Variants in MACROD2 observed in about 807,000 individuals in gnomAD.
MACROD2 encodes the protein ADP-ribose glycohydrolase MACROD2.
In MACROD2, 36 loss-of-function variants were observed where a neutral mutation model predicts 70.4. That is an observed-to-expected ratio of 0.51 (90% CI 0.39 to 0.68). MACROD2 has a LOEUF of 0.68. Ranked by LOEUF, MACROD2 falls within the 30% of genes least tolerant of loss-of-function variation. The pLI is 0.00. For synonymous variants in MACROD2, 172 were observed against 178.8 expected, an observed-to-expected ratio of 0.96 and a Z score of 0.30; for missense variants, 496 against 538.4, an observed-to-expected ratio of 0.92 and a Z score of 0.78.
rs939912345 is a variant in MACROD2 at position 16,052,072 on chromosome 20, A to G, written c.*2196A>G. ...CTAGAAGAATGAAAGTAATCTTTGTATCCAGGAAACTAAGAGAATGAGGAA... is the reference window on the plus strand; with the variant it reads ...CTAGAAGAATGAAAGTAATCTTTGTGTCCAGGAAACTAAGAGAATGAGGAA... On this transcript the variant is annotated 3_prime_UTR_variant, in exon 18 of 18. Transcript: ENST00000684519. 3.3e-5 allele frequency: 5 copies of G among 152,214 alleles called. No homozygotes were observed. The highest frequency in any genetic ancestry group is 1.3e-4 in the Admixed American group (2 of 15,284). 9.4% of individuals were successfully genotyped at this position (152,214 alleles called of 1,614,324 possible).
chr20:14,916,408 G>T (rs1395939564), intron 5 of MACROD2, among the ~76,000 whole-genome samples: 1 of 152,116 alleles, frequency 6.6e-6, no homozygotes, highest in Non-Finnish European at 1.5e-5. Context: ...CAAAAACTTG[G>T]GCGAAAAATC....
chr20:15,561,236 G>C (rs951233708), intron 8 of MACROD2, among the ~76,000 whole-genome samples: 2 of 152,162 alleles, frequency 1.3e-5, no homozygotes, highest in African/African-American at 2.4e-5. Context: ...CTGTCATTAC[G>C]CATTTTATTG....
chr20:15,306,753 A>C (rs1327662261), intron 6 of MACROD2, among the ~76,000 whole-genome samples: 2 of 152,132 alleles, frequency 1.3e-5, no homozygotes, highest in African/African-American at 4.8e-5. Flanking sequence ...GTAAAAGCTC[A>C]TTTCTGTTAC....
chr20:15,920,065 G>A (rs929439842), intron 10 of MACROD2, among the ~76,000 whole-genome samples: 7 of 152,146 alleles, frequency 4.6e-5, no homozygotes, highest in African/African-American at 1.4e-4. Flanking sequence ...AGAAGTGACA[G>A]GTTCATTACT....
intron 3 of MACROD2, among the ~76,000 whole-genome samples, chr20:14,143,195 T>C (rs2054899921): frequency 6.6e-6 from 1 of 152,222 alleles, no homozygotes; most frequent in Non-Finnish European, 1.5e-5. Flanking sequence ...TCAATATATG[T>C]ATTAATCTGT....
intron 8 of MACROD2, among the ~76,000 whole-genome samples, chr20:15,675,539 C>T (rs1361434670): frequency 6.6e-6 from 1 of 152,178 alleles, no homozygotes; most frequent in African/African-American, 2.4e-5. Context: ...ATATCTTTAA[C>T]AGTTTAGCGC....
At chr20:15,046,949 AT>A (rs1288627432) in intron 5 of MACROD2, among the ~76,000 whole-genome samples, 1 of 152,182 alleles carries the variant, frequency 6.6e-6, no homozygotes, top group African/African-American at 2.4e-5. Context: ...CTTGCATCTG[AT>A]TAACAGCTGC....
At chr20:15,350,928 A>T (rs2146223610) in intron 6 of MACROD2, among the ~76,000 whole-genome samples, 1 of 152,280 alleles carries the variant, frequency 6.6e-6, no homozygotes, top group Non-Finnish European at 1.5e-5. Context: ...AATTTATAAT[A>T]ATAGCAAAAC....
chr20:14,014,655 T>C (rs1315516293), intron 2 of MACROD2, among the ~76,000 whole-genome samples: 2 of 152,188 alleles, frequency 1.3e-5, no homozygotes, highest in Non-Finnish European at 2.9e-5. Context: ...CATTTTTTCC[T>C]CCTGCAGATA....
intron 5 of MACROD2, among the ~76,000 whole-genome samples, chr20:14,930,941 G>A (rs2074290413): frequency 6.6e-6 from 1 of 151,038 alleles, no homozygotes. Flanking sequence ...GAGGCAGGAG[G>A]ATCACTTGAG....
At chr20:14,169,576 T>A (rs1383950938) in intron 3 of MACROD2, among the ~76,000 whole-genome samples, 2 of 152,278 alleles carry the variant, frequency 1.3e-5, no homozygotes, top group Middle Eastern at 6.8e-3. Flanking sequence ...AGTGCTGGGA[T>A]TACAGGTGTG....
At chr20:15,762,800 G>C (rs1042630380) in intron 8 of MACROD2, among the ~76,000 whole-genome samples, 8 of 152,126 alleles carry the variant, frequency 5.3e-5, no homozygotes, top group African/African-American at 1.7e-4. Flanking sequence ...ACTACTAAAC[G>C]ATCATTGCTA....
chr20:15,540,995 G>T (rs528659822), intron 8 of MACROD2, among the ~76,000 whole-genome samples: 1 of 152,254 alleles, frequency 6.6e-6, no homozygotes, highest in East Asian at 1.9e-4. Flanking sequence ...GACCCTATTT[G>T]CAAATCAGGT....
At chr20:15,935,396 C>T (rs112431610) in intron 11 of MACROD2, among the ~76,000 whole-genome samples, 17 of 152,200 alleles carry the variant, frequency 1.1e-4, no homozygotes, top group Non-Finnish European at 2.2e-4. Context: ...CACATAGTTA[C>T]GTTCACACTG....
chr20:14,880,162 G>A (rs1297349523), intron 5 of MACROD2, among the ~76,000 whole-genome samples: 1 of 152,158 alleles, frequency 6.6e-6, no homozygotes, highest in African/African-American at 2.4e-5. Context: ...GACAGGATCT[G>A]AGATAGAAGT....
At chr20:14,615,542 G>A (rs1003848791) in intron 4 of MACROD2, among the ~76,000 whole-genome samples, 53 of 152,116 alleles carry the variant, frequency 3.5e-4, no homozygotes, top group African/African-American at 1.2e-3. Flanking sequence ...GAAATGAGGT[G>A]CAAGGTGTTC....
chr20:14,685,872 A>C (rs1252321056), intron 5 of MACROD2, among the ~76,000 whole-genome samples: 2 of 152,208 alleles, frequency 1.3e-5, no homozygotes, highest in Non-Finnish European at 2.9e-5. Flanking sequence ...TTTATAATAC[A>C]ACCTATAGGA....
chr20:14,903,968 G>A (rs987037090), intron 5 of MACROD2, among the ~76,000 whole-genome samples: 2 of 152,138 alleles, frequency 1.3e-5, no homozygotes, highest in Non-Finnish European at 1.5e-5. Context: ...GTAAACTGCA[G>A]GGCAGACTAG....
intron 15 of MACROD2, among the ~76,000 whole-genome samples, chr20:16,038,760 A>G (rs1330637587): frequency 6.6e-6 from 1 of 151,950 alleles, no homozygotes; most frequent in African/African-American, 2.4e-5. Flanking sequence ...CTGAAATGCC[A>G]GGTAATTTTC....
Sources: allele counts gnomAD v4.1 joint callset (sites outside exome capture counted in the v4.1 genomes callset), GRCh38; gene constraint gnomAD v4.1.1; transcripts MANE v1.5; gene names NCBI Gene and HGNC (gene_info 2026-07-23, HGNC 2026-07-21).